The following NRXN1 variants were observed in gnomAD, a reference collection of about 807,000 sequenced individuals.
NRXN1 encodes neurexin 1, also known as neurexin-1.
A neutral mutation model predicts 150.9 loss-of-function variants in NRXN1; 39 were observed. The ratio of observed to expected loss-of-function variants is 0.26; its 90% CI spans 0.20 to 0.34. NRXN1 has a LOEUF of 0.34. Among genes scored for constraint, NRXN1 ranks in the 10% least tolerant of loss-of-function variants. The pLI, the probability that NRXN1 is intolerant of heterozygous loss-of-function variation, is 1.00. For missense variants in NRXN1, 1,815 were observed against 1,949.9 expected (o/e 0.93, Z 1.30); for synonymous variants, 924 against 757.0 (o/e 1.22, Z -3.62).
intron 17 of NRXN1, among the ~76,000 whole-genome samples, chr2:50,373,202 C>G (rs1285481045): frequency 1.3e-5 from 2 of 151,600 alleles, no homozygotes; most frequent in African/African-American, 4.8e-5. Context: ...AACCACACCC[C>G]AAGGAGGAGT....
At chr2:50,693,210 T>C (rs1043789773) in intron 5 of NRXN1, among the ~76,000 whole-genome samples, 2 of 152,032 alleles carry the variant, frequency 1.3e-5, no homozygotes, top group Non-Finnish European at 2.9e-5. Flanking sequence ...AAAGGAAAAA[T>C]ATAGATCCTG....
chr2:50,199,664 G>A (rs1224927522), intron 18 of NRXN1, among the ~76,000 whole-genome samples: 1 of 151,904 alleles, frequency 6.6e-6, no homozygotes, highest in African/African-American at 2.4e-5. Flanking sequence ...TTTAATGAAG[G>A]ATTTGTCAGT....
chr2:50,733,144 T>G (rs1426345726), intron 5 of NRXN1, among the ~76,000 whole-genome samples: 1 of 152,164 alleles, frequency 6.6e-6, no homozygotes, highest in African/African-American at 2.4e-5. Context: ...ATTTGGAGCT[T>G]TAAATGACAC....
intron 5 of NRXN1, among the ~76,000 whole-genome samples, chr2:50,631,768 T>A (rs1329340252): frequency 6.6e-6 from 1 of 151,814 alleles, no homozygotes; most frequent in Non-Finnish European, 1.5e-5. Context: ...GTTCTACATA[T>A]AAAATGAGAC....
chr2:50,090,652 C>T (rs1443672052), intron 19 of NRXN1, among the ~76,000 whole-genome samples: 1 of 152,068 alleles, frequency 6.6e-6, no homozygotes, highest in Non-Finnish European at 1.5e-5. Flanking sequence ...TGATAAAACT[C>T]ATTCACAATA....
At chr2:51,023,766 AAACAAATGAATGAATG>A (rs955231155) in intron 2 of NRXN1, among the ~76,000 whole-genome samples, 2 of 152,210 alleles carry the variant, frequency 1.3e-5, no homozygotes, top group Non-Finnish European at 2.9e-5. Flanking sequence ...AGAAATTAAT[AAACAAATGAATGAATG>A]AACAAATGAA....
chr2:50,265,993 TTA>T (rs200059830), intron 17 of NRXN1, among the ~76,000 whole-genome samples: 19,339 of 105,016 alleles, frequency 0.18, 1,499 homozygotes, highest in African/African-American at 0.31. Flanking sequence ...ATTATTATTA[TTA>T]TTATTTATTT....
At chr2:50,169,695 G>C (rs942898086) in intron 18 of NRXN1, among the ~76,000 whole-genome samples, 2 of 127,474 alleles carry the variant, frequency 1.6e-5, no homozygotes, top group Non-Finnish European at 3.1e-5. Flanking sequence ...CTGGGCAACA[G>C]AGCAAGCTTC....
intron 18 of NRXN1, among the ~76,000 whole-genome samples, chr2:50,231,019 T>C (rs569093045): frequency 9.2e-5 from 14 of 152,040 alleles, no homozygotes; most frequent in African/African-American, 2.9e-4. Flanking sequence ...CTAATTCATA[T>C]AAGAATTAGG....
chr2:50,146,472 C>T (rs750081204), intron 18 of NRXN1, among the ~76,000 whole-genome samples: 2 of 151,516 alleles, frequency 1.3e-5, no homozygotes, highest in Non-Finnish European at 3.0e-5. Flanking sequence ...ATATGGCACA[C>T]ATTTGTTAGA....
At chr2:50,465,650 A>G in intron 16 of NRXN1, 89 bp from the exon 17 acceptor site, 3 of 1,364,742 alleles carry the variant, frequency 2.2e-6, no homozygotes, top group Non-Finnish European at 3.0e-6. Flanking sequence ...GTAGTTGCCA[A>G]CACCACAGAT....
chr2:50,549,612 A>T (rs1667132901), intron 9 of NRXN1, among the ~76,000 whole-genome samples: 1 of 152,188 alleles, frequency 6.6e-6, no homozygotes, highest in South Asian at 2.1e-4. Flanking sequence ...TGTTCTTCCC[A>T]TACAGAATTG....
At chr2:50,840,003 T>G (rs1324508390) in intron 5 of NRXN1, among the ~76,000 whole-genome samples, 1 of 152,154 alleles carries the variant, frequency 6.6e-6, no homozygotes, top group Non-Finnish European at 1.5e-5. Flanking sequence ...GTCTTTTCAC[T>G]TCTAATAAAT....
intron 17 of NRXN1, among the ~76,000 whole-genome samples, chr2:50,374,191 C>T (rs534538429): frequency 1.3e-3 from 196 of 151,238 alleles, no homozygotes; most frequent in African/African-American, 3.3e-3. Flanking sequence ...CCAGCTACTC[C>T]GGAGGCTGAG....
At chr2:50,056,683 T>A (rs1023633409) in intron 19 of NRXN1, among the ~76,000 whole-genome samples, 10 of 152,120 alleles carry the variant, frequency 6.6e-5, no homozygotes, top group African/African-American at 1.9e-4. Context: ...TATTTGGAAT[T>A]TTTTTTTAAT....
intron 21 of NRXN1, among the ~76,000 whole-genome samples, chr2:49,967,966 T>C (rs1283877289): frequency 6.6e-6 from 1 of 152,044 alleles, no homozygotes; most frequent in Non-Finnish European, 1.5e-5. Flanking sequence ...CCATAATTCT[T>C]CACCATATTT....
chr2:50,312,860 G>C (rs1289743731), intron 17 of NRXN1: 3 of 458,320 alleles, frequency 6.5e-6, no homozygotes, highest in African/African-American at 6.0e-5. Context: ...TTTAAGTTTT[G>C]ATAGAGGCAG....
At chr2:49,935,677 G>T (rs1670909284) in intron 22 of NRXN1, among the ~76,000 whole-genome samples, 1 of 152,120 alleles carries the variant, frequency 6.6e-6, no homozygotes, top group South Asian at 2.1e-4. Context: ...ATGTCCTCTA[G>T]ATTGGAATTC....
chr2:50,570,610 G>A (rs1670524712), intron 8 of NRXN1, among the ~76,000 whole-genome samples: 1 of 152,074 alleles, frequency 6.6e-6, no homozygotes, highest in African/African-American at 2.4e-5. Context: ...GTAAGCCCAG[G>A]AGCTATGTTG....
Sources: allele counts gnomAD v4.1 joint callset (sites outside exome capture counted in the v4.1 genomes callset), GRCh38; gene constraint gnomAD v4.1.1; transcripts MANE v1.5; gene names NCBI Gene and HGNC (gene_info 2026-07-23, HGNC 2026-07-21).